MYO18B: variants seen among roughly 807,000 people sequenced by gnomAD.
MYO18B encodes myosin XVIIIB.
MYO18B carries 204 observed loss-of-function variants against 273.0 expected under a neutral mutation model. The ratio of observed to expected loss-of-function variants is 0.75; its 90% confidence interval spans 0.67 to 0.84. The LOEUF (loss-of-function observed/expected upper bound fraction) is 0.84, where lower values mean the gene tolerates loss of function less well. Among genes scored for constraint, MYO18B ranks in the 40% least tolerant of loss-of-function variants. The probability of loss-of-function intolerance (pLI) is 0.00; values close to 1 mark genes in which losing one functional copy is unlikely to be tolerated. For missense variants in MYO18B, 3,212 were observed against 3,287.6 expected (o/e 0.98, Z 0.56); for synonymous variants, 1,330 against 1,305.7 (o/e 1.02, Z -0.40).
chr22:25,781,915 C>A, intron 10 of MYO18B, 81 bp downstream of exon 10: 1 of 947,138 alleles, frequency 1.1e-6, no homozygotes, highest in Non-Finnish European at 1.4e-6. Flanking sequence ...GCCTTAGCTT[C>A]TGCCCAGCAC....
chr22:26,062,307 A>G, the MYO18B span, among the ~76,000 whole-genome samples: 1 of 152,158 alleles, frequency 6.6e-6, no homozygotes, highest in East Asian at 1.9e-4. Flanking sequence ...CTAAATTGGG[A>G]CAACCAGAGT....
chr22:25,771,480 G>A (rs2086718583), intron 6 of MYO18B, among the ~76,000 whole-genome samples: 1 of 152,100 alleles, frequency 6.6e-6, no homozygotes, highest in African/African-American at 2.4e-5. Flanking sequence ...ATACATTTTT[G>A]TTGTGCACCA....
intron 36 of MYO18B, 91 bp downstream of exon 36, chr22:25,947,919 C>G: frequency 1.1e-6 from 1 of 887,146 alleles, no homozygotes; most frequent in Admixed American, 2.0e-5. Context: ...GGACTACTCC[C>G]TGGTCTTAAC....
the MYO18B span, among the ~76,000 whole-genome samples, chr22:26,059,126 G>A: frequency 0.27 from 40,656 of 151,904 alleles, 7,706 homozygotes; most frequent in African/African-American, 0.54. Context: ...CCCACTATGA[G>A]GTAGACTTGG....
intron 12 of MYO18B, among the ~76,000 whole-genome samples, chr22:25,815,691 A>G (rs1408772311): frequency 6.6e-6 from 1 of 152,138 alleles, no homozygotes; most frequent in Non-Finnish European, 1.5e-5. Flanking sequence ...TTAGTTTGAG[A>G]GACACCCCAC....
chr22:25,762,626 A>G (rs1006796835), intron 2 of MYO18B, among the ~76,000 whole-genome samples: 5 of 152,256 alleles, frequency 3.3e-5, no homozygotes, highest in African/African-American at 4.8e-5. Flanking sequence ...CCAGTGTTAG[A>G]GAGCTCCTGG....
chr22:26,038,172 A>C, the MYO18B span, among the ~76,000 whole-genome samples: 2 of 152,216 alleles, frequency 1.3e-5, no homozygotes, highest in Non-Finnish European at 2.9e-5. Flanking sequence ...ATTTGAGGAT[A>C]ATTCAGTCTT....
chr22:25,957,293 T>C (rs943726980), intron 39 of MYO18B, among the ~76,000 whole-genome samples: 1 of 152,210 alleles, frequency 6.6e-6, no homozygotes, highest in Non-Finnish European at 1.5e-5. Flanking sequence ...CTTTTCTCTC[T>C]TTCCTCTCCC....
intron 1 of MYO18B, among the ~76,000 whole-genome samples, chr22:25,743,530 G>A (rs2085690073): frequency 6.6e-6 from 1 of 151,776 alleles, no homozygotes; most frequent in Non-Finnish European, 1.5e-5. Context: ...AAAGCAGGAG[G>A]AGAAAGAGAA....
intron 26 of MYO18B, 126 bp downstream of exon 26, chr22:25,891,001 G>C (rs2091646498): frequency 1.5e-6 from 2 of 1,368,230 alleles, no homozygotes; most frequent in East Asian, 5.0e-5. Flanking sequence ...TGACTGCTGG[G>C]CTCAAGGTCC....
At chr22:25,977,175 G>A (rs1196040759) in intron 39 of MYO18B, among the ~76,000 whole-genome samples, 2 of 152,112 alleles carry the variant, frequency 1.3e-5, no homozygotes, top group South Asian at 4.1e-4. Context: ...TCTCATATCC[G>A]TGCTGTTTCT....
At chr22:25,911,451 C>A (rs528533541) in intron 33 of MYO18B, among the ~76,000 whole-genome samples, 2 of 152,326 alleles carry the variant, frequency 1.3e-5, no homozygotes, top group East Asian at 3.9e-4. Flanking sequence ...TCCAGAGGGA[C>A]CACTTCTGTC....
intron 40 of MYO18B, among the ~76,000 whole-genome samples, chr22:25,996,142 G>T (rs765814913): frequency 2.0e-5 from 3 of 152,196 alleles, no homozygotes; most frequent in Non-Finnish European, 4.4e-5. Flanking sequence ...ATTTCTGCGT[G>T]ACCTTGGACA....
At chr22:25,863,901 T>G (rs779968914) in intron 21 of MYO18B, among the ~76,000 whole-genome samples, 5 of 152,240 alleles carry the variant, frequency 3.3e-5, no homozygotes, top group Admixed American at 6.5e-5. Context: ...AAGCCCACTG[T>G]GGCTGTCCTA....
At chr22:26,006,987 C>G (rs1934486159) in intron 42 of MYO18B, among the ~76,000 whole-genome samples, 1 of 152,212 alleles carries the variant, frequency 6.6e-6, no homozygotes, top group Non-Finnish European at 1.5e-5. Context: ...AGTGGCCCCT[C>G]AGGCAAGGTG....
chr22:25,758,112 C>A (rs1192803123), intron 1 of MYO18B, among the ~76,000 whole-genome samples: 1 of 152,184 alleles, frequency 6.6e-6, no homozygotes, highest in African/African-American at 2.4e-5. Flanking sequence ...CTCCCGGATT[C>A]AAGCAATTCT....
At chr22:26,039,479 T>C in the MYO18B span, among the ~76,000 whole-genome samples, 8 of 152,300 alleles carry the variant, frequency 5.3e-5, no homozygotes, top group South Asian at 4.1e-4. Flanking sequence ...TACACTAGTC[T>C]CACCTGCCTT....
intron 33 of MYO18B, among the ~76,000 whole-genome samples, chr22:25,919,495 TTAGAA>T (rs1242959595): frequency 2.0e-5 from 3 of 152,190 alleles, no homozygotes; most frequent in East Asian, 1.9e-4. Context: ...TATAAAGTGT[TTAGAA>T]TAGTATATGA....
chr22:25,756,500 C>T (rs2146565196), intron 1 of MYO18B: 1 of 152,362 alleles, frequency 6.6e-6, no homozygotes, highest in South Asian at 2.1e-4. Context: ...TGATTTGTAG[C>T]ATTTGCCAAT....
Sources: allele counts gnomAD v4.1 joint callset (sites outside exome capture counted in the v4.1 genomes callset), GRCh38; gene constraint gnomAD v4.1.1; transcripts MANE v1.5; gene names NCBI Gene and HGNC (gene_info 2026-07-23, HGNC 2026-07-21).